Variants in DAB1 observed in about 807,000 individuals in gnomAD.
DAB1 encodes the protein DAB adaptor protein 1.
In DAB1, 15 loss-of-function variants were observed where a neutral mutation model predicts 64.6. The ratio of observed to expected loss-of-function variants is 0.23; its 90% CI spans 0.16 to 0.36. The LOEUF is 0.36. DAB1 is among the 10% of genes least tolerant of loss of function. The pLI, the probability that DAB1 is intolerant of heterozygous loss-of-function variation, is 1.00. For missense variants in DAB1, 596 were observed against 706.7 expected (o/e 0.84, Z 1.78); for synonymous variants, 235 against 251.9 (o/e 0.93, Z 0.64).
chr1:57,481,816 C>CGAAAA (rs1644024745), intron 7 of DAB1, among the ~76,000 whole-genome samples: 1 of 128,118 alleles, frequency 7.8e-6, no homozygotes. Flanking sequence ...GACTCTGTCT[C>CGAAAA]AAAAAAAAAA....
intron 5 of DAB1, among the ~76,000 whole-genome samples, chr1:58,094,764 G>C (rs1650883364): frequency 6.6e-6 from 1 of 152,192 alleles, no homozygotes; most frequent in East Asian, 1.9e-4. Flanking sequence ...GCATGTGCTA[G>C]AGTAGTGCTT....
At chr1:57,697,640 A>C (rs2101725694) in intron 6 of DAB1, among the ~76,000 whole-genome samples, 1 of 152,300 alleles carries the variant, frequency 6.6e-6, no homozygotes, top group Middle Eastern at 3.4e-3. Flanking sequence ...GAGGAAAATT[A>C]AGAAGAAATT....
At chr1:57,308,514 TA>T (rs924717131) in intron 1 of DAB1, among the ~76,000 whole-genome samples, 4 of 151,620 alleles carry the variant, frequency 2.6e-5, no homozygotes, top group African/African-American at 7.3e-5. Context: ...AGTGGGGATT[TA>T]AAAAAAAATT....
At chr1:57,709,116 A>G (rs370008541) in intron 6 of DAB1, among the ~76,000 whole-genome samples, 12 of 152,240 alleles carry the variant, frequency 7.9e-5, no homozygotes, top group African/African-American at 2.9e-4. Flanking sequence ...GAAAAATACC[A>G]TTAAAATAAA....
intron 5 of DAB1, among the ~76,000 whole-genome samples, chr1:58,043,107 C>A (rs1647163442): frequency 6.6e-6 from 1 of 152,106 alleles, no homozygotes; most frequent in African/African-American, 2.4e-5. Flanking sequence ...AATGAATCAC[C>A]AAAATGTTAA....
At chr1:57,279,686 C>T (rs1230442745) in intron 2 of DAB1, among the ~76,000 whole-genome samples, 1 of 152,184 alleles carries the variant, frequency 6.6e-6, no homozygotes, top group Non-Finnish European at 1.5e-5. Context: ...ATGTGAAACC[C>T]ACAGTCACAA....
At chr1:57,859,462 C>T (rs1240509638) in intron 1 of DAB1, among the ~76,000 whole-genome samples, 1 of 152,088 alleles carries the variant, frequency 6.6e-6, no homozygotes, top group East Asian at 1.9e-4. Flanking sequence ...TTTTCAACAA[C>T]CTTGCAAAAA....
At chr1:57,386,284 C>T (rs1681826154) in intron 1 of DAB1, among the ~76,000 whole-genome samples, 1 of 149,172 alleles carries the variant, frequency 6.7e-6, no homozygotes, top group Non-Finnish European at 1.5e-5. Flanking sequence ...AACCTCCACA[C>T]TAGTGGTCAG....
At chr1:58,144,753 C>G (rs1654496748) in intron 5 of DAB1, among the ~76,000 whole-genome samples, 1 of 152,186 alleles carries the variant, frequency 6.6e-6, no homozygotes, top group African/African-American at 2.4e-5. Flanking sequence ...CAGCAGCAAG[C>G]AGCAGAGCCT....
chr1:58,367,962 TTGAACCAA>T (rs1285167410), intron 3 of DAB1, among the ~76,000 whole-genome samples: 2 of 152,296 alleles, frequency 1.3e-5, no homozygotes, highest in East Asian at 3.9e-4. Flanking sequence ...AGTATAGACT[TTGAACCAA>T]TGCCATTACA....
intron 3 of DAB1, among the ~76,000 whole-genome samples, chr1:58,488,653 T>C (rs1330465812): frequency 2.0e-5 from 3 of 152,200 alleles, no homozygotes; most frequent in African/African-American, 7.2e-5. Flanking sequence ...GGTTTCTCCA[T>C]GTTGGTCAGG....
intron 5 of DAB1, among the ~76,000 whole-genome samples, chr1:57,992,372 T>C (rs1191016114): frequency 6.6e-6 from 1 of 152,178 alleles, no homozygotes; most frequent in Non-Finnish European, 1.5e-5. Context: ...GTGCACTTTT[T>C]CATATGTATG....
intron 1 of DAB1, among the ~76,000 whole-genome samples, chr1:57,402,543 C>T (rs1410729360): frequency 6.6e-6 from 1 of 152,202 alleles, no homozygotes; most frequent in Non-Finnish European, 1.5e-5. Flanking sequence ...AGTGCCCACT[C>T]TCTACCTGAT....
intron 1 of DAB1, among the ~76,000 whole-genome samples, chr1:57,828,165 T>C (rs1652438431): frequency 6.6e-6 from 1 of 152,100 alleles, no homozygotes; most frequent in Admixed American, 6.5e-5. Context: ...CAGGATGGTC[T>C]CGATCTCCTG....
At chr1:58,351,274 C>T (rs1481546791) in intron 3 of DAB1, among the ~76,000 whole-genome samples, 5 of 152,134 alleles carry the variant, frequency 3.3e-5, no homozygotes, top group Non-Finnish European at 5.9e-5. Context: ...AATGGACTCA[C>T]ATTTTTGGCT....
intron 7 of DAB1, among the ~76,000 whole-genome samples, chr1:57,522,821 AG>A (rs1415649245): frequency 3.9e-5 from 6 of 152,214 alleles, no homozygotes; most frequent in African/African-American, 1.4e-4. Context: ...AGCAGGCAGA[AG>A]AATGTGAAAG....
rs1644706333 is a variant in DAB1 at position 57,915,099 on chromosome 1, T to C, written n.388-30937A>G. Among the ~76,000 whole-genome samples the C allele has an allele frequency of 3.1e-5, 4 of 129,626 alleles. No individual in the cohort carries two copies. The Admixed American group carries it at 3.3e-4, about 11-fold the overall frequency. The allele number at this position is 129,626 out of a possible 152,430, so 85.0% of individuals were successfully genotyped here. ...ATAGATAAGTAGATATGTAGGAAGGTAAAGAGACAAACAATGATTCTTTAA... is the reference window on the plus strand; with the variant it reads ...ATAGATAAGTAGATATGTAGGAAGGCAAAGAGACAAACAATGATTCTTTAA... On this transcript the variant is annotated intron_variant and non_coding_transcript_variant, in intron 5 of 20. Coordinates refer to the DAB1 transcript ENST00000485760.
intron 5 of DAB1, among the ~76,000 whole-genome samples, chr1:58,144,027 C>T (rs891193343): frequency 3.3e-5 from 5 of 152,320 alleles, no homozygotes; most frequent in Non-Finnish European, 5.9e-5. Flanking sequence ...AGGGTCAGTA[C>T]ATTTTAATCA....
intron 6 of DAB1, among the ~76,000 whole-genome samples, chr1:57,802,697 T>C (rs1289161891): frequency 1.3e-5 from 2 of 152,080 alleles, no homozygotes; most frequent in African/African-American, 4.8e-5. Context: ...TAGCACCTTC[T>C]CTCTCTTCCT....
Sources: gnomAD v4.1 joint callset for allele counts (sites outside exome capture counted in the v4.1 genomes callset) on GRCh38, gnomAD v4.1.1 for gene constraint, MANE v1.5 for transcripts, NCBI Gene and HGNC (gene_info 2026-07-23, HGNC 2026-07-21) for gene names.